Variants in GOLM2 observed in about 807,000 individuals in gnomAD.
GOLM2 encodes the protein protein GOLM2.
GOLM2 carries 26 observed loss-of-function variants against 55.9 expected under a neutral mutation model. The observed-to-expected ratio is 0.47, with a 90% CI of 0.34 to 0.65. The LOEUF (loss-of-function observed/expected upper bound fraction) is 0.65. GOLM2 is among the 30% of genes least tolerant of loss of function. The pLI, the probability that GOLM2 is intolerant of heterozygous loss-of-function variation, is 0.01. For missense variants in GOLM2, 486 were observed against 531.8 expected, an observed-to-expected ratio of 0.91 and a Z score of 0.85; for synonymous variants, 165 against 194.6, an observed-to-expected ratio of 0.85 and a Z score of 1.27.
intron 8 of GOLM2, among the ~76,000 whole-genome samples, chr15:44,388,583 A>G (rs921069235): frequency 2.0e-5 from 3 of 151,844 alleles, no homozygotes; most frequent in Non-Finnish European, 4.4e-5. Context: ...CTGAGTTAGC[A>G]GGATTCTTTA....
At chr15:44,410,405 T>TGGG (rs2079630258) in intron 9 of GOLM2, among the ~76,000 whole-genome samples, 1 of 152,250 alleles carries the variant, frequency 6.6e-6, no homozygotes, top group South Asian at 2.1e-4. Flanking sequence ...CGCTCCAGCC[T>TGGG]GGGCGACCCA....
Position 44,413,670 on chromosome 15 carries a change from A to G in GOLM2, c.*264A>G. Reference sequence around the variant, plus strand: ...CTTTGCATCTAAAGCAAACTAATGTATATTTCACATTTTATTGAGCCGACT... The same window carrying G: ...CTTTGCATCTAAAGCAAACTAATGTGTATTTCACATTTTATTGAGCCGACT... On this transcript the variant is annotated 3_prime_UTR_variant, in exon 10 of 10. Coordinates refer to ENST00000299957, the MANE Select transcript of GOLM2 (RefSeq NM_138423.4). 1 of 335,322 alleles carries G rather than the reference A, an allele frequency of 3.0e-6. No individual in the cohort carries two copies. The highest frequency in any genetic ancestry group is 5.5e-6 in the Non-Finnish European group (1 of 183,322). 20.8% of individuals were successfully genotyped at this position (335,322 alleles called of 1,614,324 possible).
chr15:44,297,647 C>T (rs1366095393), intron 1 of GOLM2, among the ~76,000 whole-genome samples: 3 of 151,256 alleles, frequency 2.0e-5, no homozygotes, highest in African/African-American at 4.9e-5. Flanking sequence ...CTGCAAGCTC[C>T]GCCTCCCGGG....
At chr15:44,380,279 T>C (rs2079392999) in intron 7 of GOLM2, among the ~76,000 whole-genome samples, 1 of 152,110 alleles carries the variant, frequency 6.6e-6, no homozygotes, top group African/African-American at 2.4e-5. Context: ...CAGAGTGGAA[T>C]AGGATGTTTT....
chr15:44,331,977 T>G lies in GOLM2; in HGVS notation c.486-11T>G. 1.3e-6 allele frequency: 2 copies of G among 1,558,886 alleles called. No individual in the cohort carries two copies. The highest frequency in any genetic ancestry group is 1.8e-6 in the Non-Finnish European group (2 of 1,133,214). On this transcript the variant is annotated splice_polypyrimidine_tract_variant and intron_variant, in intron 3 of 9. Transcript: ENST00000299957. Reference sequence around the variant, plus strand: ...GATAATATAATCTAAAAGAATGACTTTGTAATTTAGTTTTCAGTGTGGACA... The same window carrying G: ...GATAATATAATCTAAAAGAATGACTGTGTAATTTAGTTTTCAGTGTGGACA...
chr15:44,348,474 T>C (rs2079139774), intron 6 of GOLM2: 1 of 152,192 alleles, frequency 6.6e-6, no homozygotes, highest in South Asian at 2.1e-4. Flanking sequence ...AGACTGAGAC[T>C]CTGTTTTGGT....
chr15:44,397,916 T>C (rs2079538374), intron 8 of GOLM2, among the ~76,000 whole-genome samples: 1 of 152,252 alleles, frequency 6.6e-6, no homozygotes, highest in Non-Finnish European at 1.5e-5. Context: ...CCTTTGACTC[T>C]TTCTGCTCCA....
chr15:44,356,495 C>T (rs1007628543), intron 6 of GOLM2, among the ~76,000 whole-genome samples: 26 of 152,138 alleles, frequency 1.7e-4, no homozygotes, highest in African/African-American at 6.3e-4. Flanking sequence ...TAGACCACTT[C>T]CTTGATAGAC....
chr15:44,307,491 C>A (rs2078847055), intron 1 of GOLM2: 1 of 152,200 alleles, frequency 6.6e-6, no homozygotes, highest in Admixed American at 6.5e-5. Context: ...GGATTACAGG[C>A]GTGAGCCACC....
At chr15:44,292,195 AT>A (rs1258954895) in intron 1 of GOLM2, among the ~76,000 whole-genome samples, 2 of 137,740 alleles carry the variant, frequency 1.5e-5, no homozygotes, top group Non-Finnish European at 3.0e-5. Context: ...ATATATATAT[AT>A]ATATATTTTT....
chr15:44,335,744 G>A (rs2079051760), intron 4 of GOLM2, among the ~76,000 whole-genome samples: 1 of 151,198 alleles, frequency 6.6e-6, no homozygotes, highest in African/African-American at 2.4e-5. Flanking sequence ...GGGATTTGGA[G>A]TCAGAAAGAC....
At chr15:44,325,018 A>G (rs2078972220) in intron 2 of GOLM2, among the ~76,000 whole-genome samples, 1 of 152,012 alleles carries the variant, frequency 6.6e-6, no homozygotes, top group African/African-American at 2.4e-5. Flanking sequence ...AGTAAAATTG[A>G]TTTTTTTTAA....
At chr15:44,379,876 G>T (rs2079390812) in intron 7 of GOLM2, 88 bp downstream of exon 7, 1 of 658,522 alleles carries the variant, frequency 1.5e-6, no homozygotes, top group African/African-American at 1.9e-5. Context: ...TCACTTAGCA[G>T]TATAGTGAAA....
intron 8 of GOLM2, among the ~76,000 whole-genome samples, chr15:44,390,667 T>C (rs186493933): frequency 0.017 from 2,527 of 152,118 alleles, 36 homozygotes; most frequent in Middle Eastern, 0.034. Context: ...CCTCCCAGGT[T>C]CAAGTGATTC....
chr15:44,378,442 C>T (rs1291713527), intron 6 of GOLM2, among the ~76,000 whole-genome samples: 1 of 150,958 alleles, frequency 6.6e-6, no homozygotes, highest in African/African-American at 2.4e-5. Flanking sequence ...ACTGCAACCT[C>T]CACCTCCCAG....
At chr15:44,392,748 C>T (rs1009923908) in intron 8 of GOLM2, among the ~76,000 whole-genome samples, 1 of 151,962 alleles carries the variant, frequency 6.6e-6, no homozygotes, top group Non-Finnish European at 1.5e-5. Context: ...ATTTGAAAAG[C>T]GATCTATGTA....
At chr15:44,356,162 C>T (rs1313085832) in intron 6 of GOLM2, among the ~76,000 whole-genome samples, 1 of 151,112 alleles carries the variant, frequency 6.6e-6, no homozygotes, top group Non-Finnish European at 1.5e-5. Flanking sequence ...TAAGTTTCCA[C>T]CTTAGGAAAT....
At chr15:44,318,059 TA>T (rs1485382534) in intron 1 of GOLM2, among the ~76,000 whole-genome samples, 2 of 152,232 alleles carry the variant, frequency 1.3e-5, no homozygotes, top group Non-Finnish European at 2.9e-5. Flanking sequence ...TTGCAGGCCA[TA>T]TAGTCTCTGC....
At chr15:44,396,127 G>C (rs997662163) in intron 8 of GOLM2, among the ~76,000 whole-genome samples, 64 of 152,082 alleles carry the variant, frequency 4.2e-4, no homozygotes, top group African/African-American at 1.5e-3. Context: ...GGCCGAGGTG[G>C]GCAGATCATT....
Sources: allele counts gnomAD v4.1 joint callset (sites outside exome capture counted in the v4.1 genomes callset), GRCh38; gene constraint gnomAD v4.1.1; transcripts MANE v1.5; gene names NCBI Gene and HGNC (gene_info 2026-07-23, HGNC 2026-07-21).